SNX1: variants seen among roughly 807,000 people sequenced by gnomAD.
The protein encoded by SNX1 is sorting nexin 1.
A neutral mutation model predicts 71.8 loss-of-function variants in SNX1; 36 were observed. The ratio of observed to expected loss-of-function variants is 0.50; its 90% CI spans 0.38 to 0.66. The LOEUF is 0.66. SNX1 is among the 30% of genes least tolerant of loss of function. The probability of loss-of-function intolerance (pLI) is 0.00; values close to 1 mark genes in which losing one functional copy is unlikely to be tolerated. For synonymous variants in SNX1, 254 were observed against 240.7 expected (o/e 1.06, Z -0.51); for missense variants, 612 against 646.7 (o/e 0.95, Z 0.58).
intron 1 of SNX1, among the ~76,000 whole-genome samples, chr15:64,100,604 CAAAAAA>C (rs34663775): frequency 1.0e-3 from 103 of 102,478 alleles, no homozygotes; most frequent in East Asian, 2.8e-3. Context: ...AACTCCATCT[CAAAAAA>C]AAAAAAAAAA....
intron 4 of SNX1, among the ~76,000 whole-genome samples, chr15:64,121,506 C>CT (rs2140147929): frequency 6.6e-6 from 1 of 152,338 alleles, no homozygotes; most frequent in Non-Finnish European, 1.5e-5. Context: ...CACATTCCCT[C>CT]TTTAACAAAT....
At chr15:64,124,362 C>G (rs148517099) in intron 5 of SNX1, among the ~76,000 whole-genome samples, 1,806 of 151,440 alleles carry the variant, frequency 0.012, 34 homozygotes, top group African/African-American at 0.042. Flanking sequence ...AAAAAATTAG[C>G]TGGGCATGGT....
rs780446322 is a variant in SNX1, at chr15:64,138,325, CTTT to C, written c.*721_*723del. On this transcript the variant is annotated 3_prime_UTR_variant, in exon 15 of 15. Transcript: ENST00000559844. The stretch of plus-strand genomic sequence containing the variant: ...AAGGAGGCAGAGACTTTCTCTCTCT[CTTT>C]TTTTTTTTTTTTTGGTGTCCCTATC... 0.011 allele frequency: 5,737 copies of C among 543,792 alleles called. No individual in the cohort carries two copies. The highest frequency in any genetic ancestry group is 0.022 in the South Asian group (709 of 32,744). 33.7% of individuals were successfully genotyped at this position (543,792 alleles called of 1,614,324 possible). A position where few individuals can be genotyped will look rare whatever the true frequency, so the allele number is the denominator to read the frequency against.
intron 1 of SNX1, among the ~76,000 whole-genome samples, chr15:64,107,486 G>A (rs1246424436): frequency 1.3e-5 from 2 of 152,210 alleles, no homozygotes; most frequent in Non-Finnish European, 2.9e-5. Context: ...TAAGAAAATT[G>A]TGCTAGTGGC....
At chr15:64,131,373 G>A (rs749160292) in intron 10 of SNX1, among the ~76,000 whole-genome samples, 8 of 152,116 alleles carry the variant, frequency 5.3e-5, no homozygotes, top group Non-Finnish European at 8.8e-5. Flanking sequence ...TATAAGAATA[G>A]TTTCTTTGGC....
chr15:64,131,652 T>G, intron 10 of SNX1, 35 bp from the exon 11 acceptor site: 4 of 1,600,996 alleles, frequency 2.5e-6, no homozygotes, highest in Non-Finnish European at 3.4e-6. Context: ...CCTTGTGAGA[T>G]CAGAGAGGCC....
At chr15:64,115,563 C>CTTTT (rs5813279) in intron 2 of SNX1, 8 of 325,230 alleles carry the variant, frequency 2.5e-5, no homozygotes, top group South Asian at 4.1e-5. Context: ...CTTCAAAAGG[C>CTTTT]TTTTTTTTTT....
chr15:64,110,832 G>A (rs1015804565), intron 1 of SNX1, among the ~76,000 whole-genome samples: 3 of 152,174 alleles, frequency 2.0e-5, no homozygotes, highest in African/African-American at 2.4e-5. Context: ...ACACTGCTCC[G>A]GAAAATATTC....
At chr15:64,103,764 T>C (rs924238136) in intron 1 of SNX1, among the ~76,000 whole-genome samples, 1 of 152,226 alleles carries the variant, frequency 6.6e-6, no homozygotes. Flanking sequence ...TGCATGGTGG[T>C]TGTTCCCAAA....
At chr15:64,104,474 C>T (rs192577138) in intron 1 of SNX1, among the ~76,000 whole-genome samples, 1,652 of 152,068 alleles carry the variant, frequency 0.011, 24 homozygotes, top group African/African-American at 0.038. Context: ...AGGGTTTCAC[C>T]GTGTTAGCCA....
chr15:64,125,987 G>A, intron 5 of SNX1, 92 bp from the exon 6 acceptor site: 1 of 1,361,084 alleles, frequency 7.3e-7, no homozygotes, highest in Non-Finnish European at 1.0e-6. Context: ...AGGGATCTGG[G>A]AAATGGGTTT....
chr15:64,135,018 A>G (rs1430672836), intron 12 of SNX1: 2 of 579,622 alleles, frequency 3.5e-6, no homozygotes, highest in East Asian at 6.3e-5. Flanking sequence ...CAGACTTGTC[A>G]AATCAGAATC....
In SNX1 at chr15:64,123,526, G is replaced by A; in HGVS notation, c.490G>A (p.Ala164Thr). The change falls in exon 5 of 15, where the codon GCC becomes ACC. Residue 164 changes from alanine (A) to threonine (T), a missense_variant. This residue lies in a region of SNX1 where 316 missense variants were observed against 284.9 expected (regional missense o/e 1.11). Transcript: ENST00000559844. ...KIGDGMNAYV[A>T]YKVTTQTSLP... Reference sequence around the variant, plus strand: ...AGGGGATGGTATGAATGCATATGTAGCCTACAAAGTTACAACACAGGTGAG... The same window carrying A: ...AGGGGATGGTATGAATGCATATGTAACCTACAAAGTTACAACACAGGTGAG... 2 of 1,613,950 alleles carry A rather than the reference G, an allele frequency of 1.2e-6. No homozygotes were observed. The highest frequency in any genetic ancestry group is 1.7e-6 in the Non-Finnish European group (2 of 1,179,874).
chr15:64,138,143 T>C lies in SNX1; in HGVS notation c.*525T>C. ...CCGTTCACAAGTTTTGTGCTGCTGC[T>C]TCCCTCTGGAAATGGGGTTTCTTTC... On this transcript the variant is annotated 3_prime_UTR_variant, in exon 15 of 15. Transcript: ENST00000559844. 1.3e-6 allele frequency: 2 copies of C among 1,535,712 alleles called. No homozygotes were observed. Among genetic ancestry groups the C allele is most frequent in the Non-Finnish European group, 1.7e-6 (2 of 1,146,892 alleles).
At chr15:64,127,050 T>G (rs887632071) in intron 6 of SNX1, 124 bp from the exon 7 acceptor site, 2 of 703,926 alleles carry the variant, frequency 2.8e-6, no homozygotes, top group Admixed American at 5.7e-5. Context: ...GCATATAACA[T>G]AGAAGTGGCC....
rs1355633113 is a variant in SNX1 at position 64,131,693 on chromosome 15, C to T, written c.1022C>T (p.Ala341Val). The change falls in exon 11 of 15, where the codon GCG becomes GTG. Residue 341 changes from alanine (A) to valine (V), a missense_variant. By Grantham distance (64) the Ala-to-Val change is moderately conservative. Coordinates refer to ENST00000559844, the MANE Select transcript of SNX1 (RefSeq NM_003099.5). ...TGTCTTTTCCTCCTTCCAGAGCTAG[C>T]GCTGAACACAGCCCAGTTTGCAAAG... ...ETLVNHRKEL[A>V]LNTAQFAKSL... 5 of 1,613,856 alleles carry T rather than the reference C, an allele frequency of 3.1e-6. No individual in the cohort carries two copies. The highest frequency in any genetic ancestry group is 4.2e-6 in the Non-Finnish European group (5 of 1,180,012).
chr15:64,111,035 A>G (rs1476392735), intron 1 of SNX1, among the ~76,000 whole-genome samples: 1 of 152,208 alleles, frequency 6.6e-6, no homozygotes, highest in Non-Finnish European at 1.5e-5. Context: ...TCCTTAATGT[A>G]TACTGGATTT....
chr15:64,109,708 A>G (rs1296642732), intron 1 of SNX1, among the ~76,000 whole-genome samples: 11 of 152,022 alleles, frequency 7.2e-5, no homozygotes, highest in Non-Finnish European at 1.3e-4. Flanking sequence ...GGGTTTCACC[A>G]TGTTGGCCAG....
chr15:64,108,349 C>T (rs1280637759), intron 1 of SNX1, among the ~76,000 whole-genome samples: 1 of 152,052 alleles, frequency 6.6e-6, no homozygotes, highest in East Asian at 1.9e-4. Context: ...GCTTTCTATA[C>T]TTTAATAATA....
Sources: gnomAD v4.1 joint callset for allele counts (sites outside exome capture counted in the v4.1 genomes callset) on GRCh38, gnomAD v4.1.1 for gene constraint, gnomAD v4.1.1 regional missense constraint, MANE v1.5 for transcripts, NCBI Gene and HGNC (gene_info 2026-07-23, HGNC 2026-07-21) for gene names.